The following GRAMD1B variants were observed in gnomAD, a reference collection of about 807,000 sequenced individuals.
GRAMD1B encodes GRAM domain containing 1B, also known as protein Aster-B.
A neutral mutation model predicts 99.7 loss-of-function variants in GRAMD1B; 37 were observed. That is an observed-to-expected ratio of 0.37 (90% CI 0.29 to 0.49). The LOEUF is 0.49. Among genes scored for constraint, GRAMD1B ranks in the 20% least tolerant of loss-of-function variants. The pLI, the probability that GRAMD1B is intolerant of heterozygous loss-of-function variation, is 0.98. For missense variants in GRAMD1B, 888 were observed against 1,009.2 expected (o/e 0.88, Z 1.63); for synonymous variants, 427 against 387.6 (o/e 1.10, Z -1.19).
chr11:123,386,290 C>T (rs1411996599), intron 1 of GRAMD1B, among the ~76,000 whole-genome samples: 2 of 152,172 alleles, frequency 1.3e-5, no homozygotes, highest in African/African-American at 4.8e-5. Context: ...GTAGGGGTGG[C>T]TTCCAGCGTT....
chr11:123,543,283 A>C (rs1398775623), intron 2 of GRAMD1B, among the ~76,000 whole-genome samples: 1 of 152,096 alleles, frequency 6.6e-6, no homozygotes, highest in African/African-American at 2.4e-5. Flanking sequence ...CATGGTAGGC[A>C]CTCCCCTATT....
intron 1 of GRAMD1B, among the ~76,000 whole-genome samples, chr11:123,463,746 G>C (rs376177436): frequency 2.0e-5 from 3 of 152,336 alleles, no homozygotes; most frequent in African/African-American, 7.2e-5. Flanking sequence ...CAGGGTGGAA[G>C]ATATGGATCA....
At chr11:123,383,952 C>T (rs758876161) in intron 1 of GRAMD1B, among the ~76,000 whole-genome samples, 1 of 152,074 alleles carries the variant, frequency 6.6e-6, no homozygotes, top group Non-Finnish European at 1.5e-5. Flanking sequence ...CTCACTGCAA[C>T]CTCCACCTCC....
At chr11:123,419,790 G>A (rs142447532) in intron 1 of GRAMD1B, among the ~76,000 whole-genome samples, 110 of 151,434 alleles carry the variant, frequency 7.3e-4, no homozygotes, top group African/African-American at 2.5e-3. Context: ...AAAAAGGAAG[G>A]AAAGCAGTAG....
At chr11:123,395,490 C>T (rs58689076) in intron 1 of GRAMD1B, among the ~76,000 whole-genome samples, 4,452 of 152,092 alleles carry the variant, frequency 0.029, 72 homozygotes, top group Middle Eastern at 0.071. Flanking sequence ...AAAAAGTGAA[C>T]GTTTGCATGG....
chr11:123,565,278 A>G (rs1445211967), intron 2 of GRAMD1B, among the ~76,000 whole-genome samples: 2 of 151,358 alleles, frequency 1.3e-5, no homozygotes, highest in African/African-American at 2.4e-5. Flanking sequence ...GCCTCAAGCA[A>G]TCTTCCCACC....
chr11:123,369,276 A>G (rs12221651), intron 1 of GRAMD1B, among the ~76,000 whole-genome samples: 68,677 of 152,026 alleles, frequency 0.45, 19,002 homozygotes, highest in African/African-American at 0.8. Context: ...ACTCCAGCCT[A>G]GGTGACAGAG....
rs1210406722 is a variant in GRAMD1B, at chr11:123,610,303, G to A, written c.1884G>A (p.Thr628=). The A allele has an allele frequency of 2.5e-6, 4 of 1,613,898 alleles. No homozygotes were observed. Among genetic ancestry groups the A allele is most frequent in the Non-Finnish European group, 3.4e-6 (4 of 1,179,844 alleles). ...ACTTCTACACAATCAATCGCTACAC[G>A]CTCACCCGTGTGGCTCGGAACAAGA... The part of the protein sequence containing the change: ...HDYFYTINRY[T]LTRVARNKSR... Residue 628 remains threonine (T), a synonymous_variant, in exon 14 of 20, where the codon ACG becomes ACA. Transcript: ENST00000635736. This position sits in a 1 kb window ranked among gnomAD's most constrained non-coding sequence, Gnocchi z 4.1.
chr11:123,517,560 T>C (rs985971831), intron 2 of GRAMD1B, among the ~76,000 whole-genome samples: 24 of 152,166 alleles, frequency 1.6e-4, no homozygotes, highest in African/African-American at 5.8e-4. Context: ...ATGGAGTAAG[T>C]TGCTCAAGGT....
intron 1 of GRAMD1B, among the ~76,000 whole-genome samples, chr11:123,387,179 C>G (rs999685799): frequency 1.3e-5 from 2 of 152,088 alleles, no homozygotes; most frequent in Non-Finnish European, 1.5e-5. Flanking sequence ...GAGTGCAAAG[C>G]TATTGAATAC....
intron 1 of GRAMD1B, among the ~76,000 whole-genome samples, chr11:123,398,575 T>A (rs1008132864): frequency 1.3e-5 from 2 of 152,346 alleles, no homozygotes; most frequent in Admixed American, 6.5e-5. Context: ...TTGTTCCACA[T>A]CCTTGGCACC....
chr11:123,420,990 T>C (rs142081259), intron 1 of GRAMD1B, among the ~76,000 whole-genome samples: 1 of 152,376 alleles, frequency 6.6e-6, no homozygotes, highest in Non-Finnish European at 1.5e-5. Flanking sequence ...AAGCAGATTT[T>C]TCATGTGGTT....
intron 2 of GRAMD1B, among the ~76,000 whole-genome samples, chr11:123,509,715 G>C (rs1469101531): frequency 6.6e-6 from 1 of 152,254 alleles, no homozygotes; most frequent in African/African-American, 2.4e-5. Context: ...CCCTTCCTCA[G>C]GGTTCCCCTG....
intron 2 of GRAMD1B, among the ~76,000 whole-genome samples, chr11:123,532,995 G>A (rs1430754235): frequency 6.6e-6 from 1 of 152,202 alleles, no homozygotes; most frequent in African/African-American, 2.4e-5. Context: ...ATAAAAACAA[G>A]TTTTGTTCTT....
chr11:123,527,348 C>A (rs1049346630), intron 2 of GRAMD1B, among the ~76,000 whole-genome samples: 1 of 152,216 alleles, frequency 6.6e-6, no homozygotes, highest in African/African-American at 2.4e-5. Context: ...TAGTCCAGCC[C>A]TCCTCCTGTA....
intron 2 of GRAMD1B, among the ~76,000 whole-genome samples, chr11:123,504,219 C>T (rs371154376): frequency 1.3e-5 from 2 of 152,188 alleles, no homozygotes; most frequent in African/African-American, 2.4e-5. Context: ...CACTGGTCCC[C>T]GCCAAGGCCC....
At chr11:123,482,313 G>C (rs891660006) in intron 2 of GRAMD1B, among the ~76,000 whole-genome samples, 1 of 152,016 alleles carries the variant, frequency 6.6e-6, no homozygotes, top group Non-Finnish European at 1.5e-5. Flanking sequence ...TGGTCAGGCT[G>C]GTCTTGAACT....
At chr11:123,507,784 C>T (rs11219178) in intron 2 of GRAMD1B, among the ~76,000 whole-genome samples, 2,299 of 152,068 alleles carry the variant, frequency 0.015, 28 homozygotes, top group Middle Eastern at 0.041. Flanking sequence ...AAAAAAAGGC[C>T]TCAAAGGGAA....
At chr11:123,449,225 C>A (rs966689448) in intron 1 of GRAMD1B, among the ~76,000 whole-genome samples, 1 of 152,074 alleles carries the variant, frequency 6.6e-6, no homozygotes, top group Non-Finnish European at 1.5e-5. Context: ...CGCATTGTAT[C>A]GTTTATTAGA....
Sources: allele counts gnomAD v4.1 joint callset (sites outside exome capture counted in the v4.1 genomes callset), GRCh38; gene constraint gnomAD v4.1.1; non-coding constraint Gnocchi (gnomAD v3.1); transcripts MANE v1.5; gene names NCBI Gene and HGNC (gene_info 2026-07-23, HGNC 2026-07-21).